NKAP: variants seen among roughly 807,000 people sequenced by gnomAD.
NKAP encodes NFKB activating protein, also known as NF-kappa-B-activating protein.
Under a neutral mutation model 35.6 loss-of-function variants are expected in NKAP, and 4 were observed. That is an observed-to-expected ratio of 0.11 (90% CI 0.06 to 0.26). The LOEUF is 0.26. Ranked by LOEUF, NKAP falls within the 10% of genes least tolerant of loss-of-function variation. NKAP has a pLI of 1.00. For missense variants in NKAP, 238 were observed against 321.9 expected, an observed-to-expected ratio of 0.74 and a Z score of 1.99; for synonymous variants, 106 against 119.2, an observed-to-expected ratio of 0.89 and a Z score of 0.72.
At chrX:119,940,565 A>T (rs752713633) in intron 1 of NKAP, among the ~76,000 whole-genome samples, 1 of 111,861 alleles carries the variant, frequency 8.9e-6, no homozygotes, top group South Asian at 3.7e-4. Flanking sequence ...CAAAACAAAG[A>T]CTAAGGCTCA....
intron 5 of NKAP, chrX:119,932,455 TAA>T (rs60446056): frequency 3.4e-3 from 622 of 180,831 alleles, no homozygotes; most frequent in East Asian, 5.8e-3. Context: ...CCGTCTCTAT[TAA>T]AAAAAAAAAA....
chrX:119,940,596 T>C (rs756021410), intron 1 of NKAP, among the ~76,000 whole-genome samples: 1 of 112,113 alleles, frequency 8.9e-6, no homozygotes, highest in South Asian at 3.7e-4. Flanking sequence ...TTTTAGCTGC[T>C]TGTGACTCCA....
intron 1 of NKAP, chrX:119,942,766 C>T (rs2056799331): frequency 8.7e-6 from 1 of 114,440 alleles, no homozygotes; most frequent in African/African-American, 3.3e-5. Context: ...TATCTCAGAC[C>T]TGTAAGTTCC....
chrX:119,928,020 A>C (rs2056723332), intron 8 of NKAP, among the ~76,000 whole-genome samples: 1 of 111,955 alleles, frequency 8.9e-6, no homozygotes, highest in Non-Finnish European at 1.9e-5. Flanking sequence ...TTGTCCTTTT[A>C]GTGTAATATA....
At chrX:119,930,646 C>T (rs1187279110) in intron 7 of NKAP, among the ~76,000 whole-genome samples, 1 of 110,437 alleles carries the variant, frequency 9.1e-6, no homozygotes, top group Non-Finnish European at 1.9e-5. Context: ...TAGCGAAACC[C>T]CGTCTCTACT....
At chrX:119,926,263 T>C (rs919185376) in intron 8 of NKAP, among the ~76,000 whole-genome samples, 3 of 108,719 alleles carry the variant, frequency 2.8e-5, no homozygotes, top group South Asian at 4.0e-4. Flanking sequence ...GCCTATCCTT[T>C]TTTCTTTTCT....
At chrX:119,930,743 G>C (rs896886270) in intron 7 of NKAP, among the ~76,000 whole-genome samples, 1 of 110,709 alleles carries the variant, frequency 9.0e-6, no homozygotes, top group Admixed American at 9.7e-5. Flanking sequence ...ACTTGAACCT[G>C]GGAGGCAGAG....
At chrX:119,934,702 C>T (rs910817142) in intron 4 of NKAP, 145 bp from the exon 5 acceptor site, 13 of 381,310 alleles carry the variant, frequency 3.4e-5, no homozygotes, top group South Asian at 3.0e-4. Flanking sequence ...CTATTTGTCA[C>T]GAACTGTAGG....
At chrX:119,932,077 G>T in intron 6 of NKAP, 30 bp downstream of exon 6, 1 of 1,179,692 alleles carries the variant, frequency 8.5e-7, no homozygotes, top group Non-Finnish European at 1.2e-6. Context: ...TGTTTCATCT[G>T]TTCTGAGTTA....
At chrX:119,926,004 C>T (rs1321185608) in intron 8 of NKAP, among the ~76,000 whole-genome samples, 6 of 76,543 alleles carry the variant, frequency 7.8e-5, no homozygotes, top group East Asian at 4.2e-4. Context: ...GGCCGGACTG[C>T]GGACTGCAGT....
At chrX:119,939,894 G>A (rs1163472623) in intron 1 of NKAP, among the ~76,000 whole-genome samples, 9 of 105,560 alleles carry the variant, frequency 8.5e-5, no homozygotes, top group African/African-American at 2.7e-4. Context: ...GCGAGACTCC[G>A]TCTCAAAAAA....
chrX:119,925,693 CTGAGA>C (rs1441568599), intron 8 of NKAP, among the ~76,000 whole-genome samples: 2 of 109,341 alleles, frequency 1.8e-5, no homozygotes, highest in Non-Finnish European at 3.8e-5. Flanking sequence ...TCCTGAGTAG[CTGAGA>C]TAACAGGTCT....
At chrX:119,934,592 AT>A (rs2056758610) in intron 4 of NKAP, 35 bp from the exon 5 acceptor site, 2 of 1,017,593 alleles carry the variant, frequency 2.0e-6, no homozygotes, top group Non-Finnish European at 2.7e-6. Context: ...TAAGAAAAAA[AT>A]TTTTTAACTC....
intron 1 of NKAP, 136 bp from the exon 2 acceptor site, chrX:119,938,946 T>A: frequency 2.2e-6 from 1 of 458,022 alleles, no homozygotes; most frequent in South Asian, 3.9e-5. Context: ...GGTTTAAATG[T>A]AAACTCATCA....
rs1240919307 is a variant in NKAP, at chrX:119,924,147, A to T, written c.*1073T>A. ...AAATTCCAGATTTGCTTTTCGCAGC[A>T]ATGCCTTCATTTTGTTAACAAAAGT... On this transcript the variant is annotated 3_prime_UTR_variant, in exon 9 of 9. Transcript: ENST00000371410. 2 of 111,133 alleles carry T rather than the reference A, an allele frequency of 1.8e-5. No homozygotes were observed. Among genetic ancestry groups the T allele is most frequent in the African/African-American group, 6.5e-5 (2 of 30,632 alleles). 9.2% of individuals were successfully genotyped at this position (111,133 alleles called of 1,213,427 possible).
intron 2 of NKAP, 88 bp downstream of exon 2, chrX:119,938,642 A>G: frequency 1.6e-6 from 1 of 614,808 alleles, no homozygotes; most frequent in East Asian, 3.7e-5. Flanking sequence ...AGATATATTT[A>G]AAGTTCTTCA....
At chrX:119,939,285 T>G (rs937018205) in intron 1 of NKAP, among the ~76,000 whole-genome samples, 21 of 112,368 alleles carry the variant, frequency 1.9e-4, no homozygotes, top group African/African-American at 6.8e-4. Flanking sequence ...GTTTTTATTT[T>G]ATTTTATTAT....
intron 8 of NKAP, among the ~76,000 whole-genome samples, chrX:119,929,102 C>T (rs983680478): frequency 9.2e-6 from 1 of 109,210 alleles, no homozygotes; most frequent in African/African-American, 3.3e-5. Context: ...CGCCATGTTG[C>T]CCAGGCTAGT....
intron 1 of NKAP, among the ~76,000 whole-genome samples, chrX:119,940,850 G>C (rs1364608972): frequency 8.9e-6 from 1 of 111,985 alleles, no homozygotes; most frequent in African/African-American, 3.2e-5. Context: ...TTGTCACCTG[G>C]TTTCATCTGT....
Sources: gnomAD v4.1 joint callset for allele counts (sites outside exome capture counted in the v4.1 genomes callset) on GRCh38, gnomAD v4.1.1 for gene constraint, MANE v1.5 for transcripts, NCBI Gene and HGNC (gene_info 2026-07-23, HGNC 2026-07-21) for gene names.